ZNF107: variants seen among roughly 807,000 people sequenced by gnomAD.
ZNF107 encodes zinc finger protein 107.
ZNF107 carries 19 observed loss-of-function variants against 12.3 expected under a neutral mutation model. That is an observed-to-expected ratio of 1.55 (90% CI 1.08 to 2.27). The LOEUF is 2.27. ZNF107 is among the 30% of genes most tolerant of loss of function. The probability of loss-of-function intolerance (pLI) is 0.00; values close to 1 mark genes in which losing one functional copy is unlikely to be tolerated. For missense variants in ZNF107, 958 were observed against 979.9 expected (o/e 0.98, Z 0.30); for synonymous variants, 317 against 330.5 (o/e 0.96, Z 0.44).
At chr7:64,677,008 T>G (rs1789437164) in intron 1 of ZNF107, among the ~76,000 whole-genome samples, 1 of 152,210 alleles carries the variant, frequency 6.6e-6, no homozygotes. Flanking sequence ...GAAAATTGTA[T>G]ACTTACCAAC....
Position 64,708,768 on chromosome 7 carries a change from G to T in ZNF107, c.*112G>T. ...TCTTCAACTTTTTCTGCACACACGAGGTATTTTATACTGGTGAGAAACCTT... is the reference window on the plus strand; with the variant it reads ...TCTTCAACTTTTTCTGCACACACGATGTATTTTATACTGGTGAGAAACCTT... On this transcript the variant is annotated 3_prime_UTR_variant, in exon 4 of 4. Transcript: ENST00000620827. The T allele has an allele frequency of 9.5e-7, 1 of 1,055,924 alleles. No individual in the cohort carries two copies. 65.4% of individuals were successfully genotyped at this position (1,055,924 alleles called of 1,614,324 possible).
At chr7:64,697,482 G>A (rs1268754570) in intron 3 of ZNF107, among the ~76,000 whole-genome samples, 2 of 152,226 alleles carry the variant, frequency 1.3e-5, no homozygotes, top group Admixed American at 1.3e-4. Flanking sequence ...AGCACCTGTT[G>A]TATGTATATG....
intron 1 of ZNF107, among the ~76,000 whole-genome samples, chr7:64,667,429 A>C (rs543510238): frequency 6.6e-6 from 1 of 151,560 alleles, no homozygotes; most frequent in African/African-American, 2.4e-5. Flanking sequence ...GTATTGTAAA[A>C]AAAAGTCTGT....
intron 2 of ZNF107, 25 bp downstream of exon 2, chr7:64,691,399 T>C: frequency 7.1e-7 from 1 of 1,410,998 alleles, no homozygotes; most frequent in Non-Finnish European, 9.3e-7. Context: ...AATACACAAT[T>C]CCCAAAATAC....
chr7:64,694,592 C>A (rs1790225416), intron 3 of ZNF107, among the ~76,000 whole-genome samples: 1 of 149,918 alleles, frequency 6.7e-6, no homozygotes, highest in Admixed American at 6.7e-5. Flanking sequence ...GTCTTTAAAT[C>A]CTGGTCTGAA....
In ZNF107 at chr7:64,668,782, GT is replaced by G. The variant is rs556147632; in HGVS notation, c.3+2502del. The stretch of plus-strand genomic sequence containing the variant: ...ATGTCCAACGGTATTCCAAGGCTTA[GT>G]TTTTAGAGTGCTAGCAGGGAAACAA... On this transcript the variant is annotated intron_variant, in intron 1 of 3. Transcript: ENST00000620827. Among the ~76,000 whole-genome samples, 931 of 151,992 alleles carry G rather than the reference GT, an allele frequency of 6.1e-3. 5 individuals are homozygous for G. Among genetic ancestry groups the G allele is most frequent in the Non-Finnish European group, 0.011 (728 of 67,978 alleles).
chr7:64,703,015 A>G (rs1790526981), intron 3 of ZNF107, among the ~76,000 whole-genome samples: 1 of 151,806 alleles, frequency 6.6e-6, no homozygotes, highest in South Asian at 2.1e-4. Context: ...CTTTTTTTCT[A>G]TATTCTTCTT....
intron 1 of ZNF107, among the ~76,000 whole-genome samples, chr7:64,686,040 C>T (rs1789894051): frequency 6.6e-6 from 1 of 152,092 alleles, no homozygotes; most frequent in Non-Finnish European, 1.5e-5. Flanking sequence ...TAGCAAAATC[C>T]ACCCTTACTC....
At chr7:64,674,596 G>C (rs1460929539) in intron 1 of ZNF107, among the ~76,000 whole-genome samples, 3 of 152,050 alleles carry the variant, frequency 2.0e-5, no homozygotes, top group African/African-American at 7.2e-5. Flanking sequence ...TTTTATTTTT[G>C]TCGCTTGCCT....
chr7:64,686,966 A>G, intron 1 of ZNF107: 1 of 985,418 alleles, frequency 1.0e-6, no homozygotes, highest in Non-Finnish European at 1.2e-6. Flanking sequence ...GCCCCCCGTT[A>G]TTCATAATGC....
chr7:64,681,822 T>C (rs1789689532), intron 1 of ZNF107, among the ~76,000 whole-genome samples: 1 of 152,138 alleles, frequency 6.6e-6, no homozygotes, highest in Non-Finnish European at 1.5e-5. Context: ...GATTGTACTT[T>C]TCATCCATTC....
Position 64,708,986 on chromosome 7 carries a change from C to T in ZNF107, c.*330C>T, listed in dbSNP as rs1012317098. On this transcript the variant is annotated 3_prime_UTR_variant, in exon 4 of 4. Transcript: ENST00000620827. Reference sequence around the variant, plus strand: ...ACAAATGAGAAGAATGTGGCAATGCCTTTAATCAGTCCTCACACCTTTCTA... The same window carrying T: ...ACAAATGAGAAGAATGTGGCAATGCTTTTAATCAGTCCTCACACCTTTCTA... 1.8e-5 allele frequency: 8 copies of T among 455,284 alleles called. No homozygotes were observed. The highest frequency in any genetic ancestry group is 4.0e-5 in the African/African-American group (2 of 49,864). 28.2% of individuals were successfully genotyped at this position (455,284 alleles called of 1,614,324 possible). A position where few individuals can be genotyped will look rare whatever the true frequency, so the allele number is the denominator to read the frequency against.
intron 1 of ZNF107, among the ~76,000 whole-genome samples, chr7:64,667,406 A>T (rs762483051): frequency 6.6e-6 from 1 of 152,298 alleles, no homozygotes; most frequent in Middle Eastern, 3.4e-3. Flanking sequence ...ACAAAAAATA[A>T]TCCCCTGACA....
chr7:64,700,601 G>A (rs1318929310), intron 3 of ZNF107, among the ~76,000 whole-genome samples: 3 of 137,902 alleles, frequency 2.2e-5, no homozygotes, highest in Non-Finnish European at 4.6e-5. Flanking sequence ...GTGCAGTGGC[G>A]TGATCCCAGC....
At chr7:64,702,561 G>A (rs1214496783) in intron 3 of ZNF107, among the ~76,000 whole-genome samples, 1 of 151,324 alleles carries the variant, frequency 6.6e-6, no homozygotes, top group Non-Finnish European at 1.5e-5. Context: ...CATTTTTCAT[G>A]TACTTTTTTT....
chr7:64,703,362 A>T (rs1033113738), intron 3 of ZNF107, among the ~76,000 whole-genome samples: 7 of 151,814 alleles, frequency 4.6e-5, no homozygotes, highest in African/African-American at 1.7e-4. Context: ...ATGGTTGTTC[A>T]ATTTTGTCTA....
rs112130861 is a variant in ZNF107 at position 64,675,511 on chromosome 7, G to C, written c.3+9226G>C. 2.1e-3 allele frequency among the ~76,000 whole-genome samples: 317 copies of C among 152,074 alleles called. 3 individuals carry two copies. Among genetic ancestry groups the C allele is most frequent in the African/African-American group, 6.8e-3 (281 of 41,488 alleles). On this transcript the variant is annotated intron_variant, in intron 1 of 3. Transcript: ENST00000620827. ...GTCTTTGTCATGAATCTAACTAGTG[G>C]TTTATTTAACTTATTAATTTTTTCA...
At chr7:64,687,643 T>A in intron 1 of ZNF107, 7 of 847,084 alleles carry the variant, frequency 8.3e-6, no homozygotes, top group Non-Finnish European at 1.0e-5. Flanking sequence ...TTAGCATATA[T>A]GGATGACCTC....
At chr7:64,685,297 T>C (rs1789861054) in intron 1 of ZNF107, among the ~76,000 whole-genome samples, 1 of 152,190 alleles carries the variant, frequency 6.6e-6, no homozygotes, top group Non-Finnish European at 1.5e-5. Context: ...TCAGTGCAAC[T>C]ACGCCTTGCA....
Sources: gnomAD v4.1 joint callset for allele counts (sites outside exome capture counted in the v4.1 genomes callset) on GRCh38, gnomAD v4.1.1 for gene constraint, MANE v1.5 for transcripts, NCBI Gene and HGNC (gene_info 2026-07-23, HGNC 2026-07-21) for gene names.